Variants in GPD2 observed in about 807,000 individuals in gnomAD.
The protein encoded by GPD2 is glycerol-3-phosphate dehydrogenase 2, also known as glycerol-3-phosphate dehydrogenase, mitochondrial.
A neutral mutation model predicts 82.4 loss-of-function variants in GPD2; 54 were observed. That is an observed-to-expected ratio of 0.66 (90% CI 0.53 to 0.82). The LOEUF is 0.82. Ranked by LOEUF, GPD2 falls within the 40% of genes least tolerant of loss-of-function variation. The pLI is 0.00. For synonymous variants in GPD2, 288 were observed against 306.1 expected, an observed-to-expected ratio of 0.94 and a Z score of 0.62; for missense variants, 748 against 896.2, an observed-to-expected ratio of 0.83 and a Z score of 2.11.
chr2:156,406,025 A>G, the GPD2 span, among the ~76,000 whole-genome samples: 2 of 152,028 alleles, frequency 1.3e-5, no homozygotes, highest in African/African-American at 2.4e-5. Flanking sequence ...CATATAATAC[A>G]AAGTCACCAA....
At chr2:156,487,767 A>C (rs893191531) in intron 2 of GPD2, among the ~76,000 whole-genome samples, 3 of 152,206 alleles carry the variant, frequency 2.0e-5, no homozygotes, top group Admixed American at 6.5e-5. Flanking sequence ...TCTGACTTTC[A>C]GTGAGCCATC....
chr2:156,575,021 T>C (rs1687766090), intron 13 of GPD2, among the ~76,000 whole-genome samples: 1 of 152,160 alleles, frequency 6.6e-6, no homozygotes, highest in African/African-American at 2.4e-5. Context: ...TGAATAGATA[T>C]TGAAATAGGA....
rs748305975 is a variant in GPD2, at chr2:156,549,669, T to C, written c.723T>C (p.Ala241=). The C allele has an allele frequency of 6.2e-7, 1 of 1,613,694 alleles. No homozygotes were observed. Among genetic ancestry groups the C allele is most frequent in the Non-Finnish European group, 8.5e-7 (1 of 1,179,542 alleles). The part of the protein sequence containing the change: ...AIALTAARYG[A]ATANYMEVVS... The stretch of plus-strand genomic sequence containing the variant: ...CTCTGACTGCTGCCAGGTATGGGGC[T>C]GCCACAGCCAATTACATGGAGGTAG... Residue 241 remains alanine, a synonymous_variant, in exon 7 of 17, where the codon GCT becomes GCC. Transcript: ENST00000438166.
intron 9 of GPD2, among the ~76,000 whole-genome samples, chr2:156,567,377 C>T (rs1294373513): frequency 2.6e-5 from 4 of 151,814 alleles, no homozygotes; most frequent in South Asian, 2.1e-4. Flanking sequence ...TTTTTGTATA[C>T]GATATAAGAT....
chr2:156,581,174 A>T (rs984407119), intron 16 of GPD2, among the ~76,000 whole-genome samples: 1 of 151,786 alleles, frequency 6.6e-6, no homozygotes, highest in Non-Finnish European at 1.5e-5. Flanking sequence ...TTTTTTTTTT[A>T]AATAATTGAG....
In GPD2 at chr2:156,510,799, TA is replaced by T; in HGVS notation, c.283del (p.Thr95GlnfsTer4). ...ATTTGGTTTTCTGGTTACACAGGAC[TA>T]AAAACAGCCCTTGTAGAAAGAGATG... ...GCALDAVTRG[L>X]KTALVERDDF... is the part of the protein sequence containing the mutation. On this transcript the variant is annotated frameshift_variant, in exon 4 of 17. Coordinates refer to ENST00000438166, the MANE Select transcript of GPD2 (RefSeq NM_000408.5). LOFTEE classifies it high-confidence loss of function. 6.2e-7 allele frequency: 1 copy of T among 1,613,092 alleles called. No individual in the cohort carries two copies. Among genetic ancestry groups the T allele is most frequent in the Non-Finnish European group, 8.5e-7 (1 of 1,179,072 alleles).
chr2:156,448,619 C>T (rs12104533), intron 1 of GPD2, among the ~76,000 whole-genome samples: 87,539 of 152,026 alleles, frequency 0.58, 25,511 homozygotes, highest in East Asian at 0.77. Context: ...TAAGCTGAGT[C>T]GTGAATGACT....
At chr2:156,473,674 T>G (rs1300751698) in intron 1 of GPD2, 1 of 152,216 alleles carries the variant, frequency 6.6e-6, no homozygotes, top group East Asian at 1.9e-4. Context: ...ATTCTCTGTC[T>G]CCAGTTGTCA....
At chr2:156,542,903 G>C (rs1486814289) in intron 6 of GPD2, among the ~76,000 whole-genome samples, 1 of 151,850 alleles carries the variant, frequency 6.6e-6, no homozygotes, top group East Asian at 1.9e-4. Flanking sequence ...GATTTTATCT[G>C]TCTTCCTCAT....
At chr2:156,568,090 A>G (rs1234026197) in intron 9 of GPD2, among the ~76,000 whole-genome samples, 1 of 152,182 alleles carries the variant, frequency 6.6e-6, no homozygotes, top group Non-Finnish European at 1.5e-5. Context: ...GTACAATTTA[A>G]GAGGTAAGAA....
intron 1 of GPD2, among the ~76,000 whole-genome samples, chr2:156,462,585 AG>A (rs1683027864): frequency 6.6e-6 from 1 of 151,678 alleles, no homozygotes; most frequent in Non-Finnish European, 1.5e-5. Context: ...TACAGGCATG[AG>A]CCACCGCACC....
chr2:156,569,677 A>T (rs1687538810), intron 11 of GPD2, 139 bp downstream of exon 11: 1 of 737,540 alleles, frequency 1.4e-6, no homozygotes, highest in Non-Finnish European at 2.4e-6. Flanking sequence ...TATGGAAGGA[A>T]AAAAAGATGA....
At chr2:156,565,177 A>G (rs577916940) in intron 9 of GPD2, among the ~76,000 whole-genome samples, 15 of 152,284 alleles carry the variant, frequency 9.9e-5, no homozygotes, top group African/African-American at 3.6e-4. Context: ...GAGAGCTTCA[A>G]GAGTTGGAAC....
In GPD2 at chr2:156,488,761, A is replaced by G. The variant is rs79768593; in HGVS notation, c.103-7283A>G. On this transcript the variant is annotated intron_variant, in intron 2 of 16. Coordinates refer to ENST00000438166, the MANE Select transcript of GPD2 (RefSeq NM_000408.5). Reference sequence around the variant, plus strand: ...GGCTTTCAGTTCTTTGTAGGTGTTCATGTGAGTCTCTTGACAAAACCTGTA... The same window carrying G: ...GGCTTTCAGTTCTTTGTAGGTGTTCGTGTGAGTCTCTTGACAAAACCTGTA... Among the ~76,000 whole-genome samples, 1,035 of 152,290 alleles carry G rather than the reference A, an allele frequency of 6.8e-3. 9 individuals are homozygous for G. The highest frequency in any genetic ancestry group is 0.021 in the African/African-American group (867 of 41,556).
At chr2:156,405,018 T>G in the GPD2 span, among the ~76,000 whole-genome samples, 1 of 152,268 alleles carries the variant, frequency 6.6e-6, no homozygotes, top group South Asian at 2.1e-4. Flanking sequence ...TGAAGGAATA[T>G]TCAGGCAACA....
chr2:156,419,698 T>C, the GPD2 span, among the ~76,000 whole-genome samples: 1 of 152,230 alleles, frequency 6.6e-6, no homozygotes, highest in Admixed American at 6.5e-5. Context: ...TGGTTGAGTT[T>C]GCATTTACAA....
intron 6 of GPD2, among the ~76,000 whole-genome samples, chr2:156,513,991 A>G (rs1685102466): frequency 6.6e-6 from 1 of 152,238 alleles, no homozygotes; most frequent in South Asian, 2.1e-4. Flanking sequence ...TCTTGAATGT[A>G]TAATTTATAT....
At chr2:156,460,170 G>C (rs1307568122) in intron 1 of GPD2, among the ~76,000 whole-genome samples, 5 of 152,174 alleles carry the variant, frequency 3.3e-5, no homozygotes, top group Admixed American at 1.3e-4. Flanking sequence ...GTTGAAGAGA[G>C]GCTGTTGAGT....
intron 1 of GPD2, among the ~76,000 whole-genome samples, chr2:156,460,312 T>C (rs1392532503): frequency 6.6e-6 from 1 of 152,202 alleles, no homozygotes; most frequent in Non-Finnish European, 1.5e-5. Flanking sequence ...GGAATTGAAA[T>C]GCATGGCCCT....
Sources: allele counts gnomAD v4.1 joint callset (sites outside exome capture counted in the v4.1 genomes callset), GRCh38; gene constraint gnomAD v4.1.1; transcripts MANE v1.5; gene names NCBI Gene and HGNC (gene_info 2026-07-23, HGNC 2026-07-21).